The following CFAP46 variants were observed in gnomAD, a reference collection of about 807,000 sequenced individuals.
CFAP46 encodes the protein cilia and flagella associated protein 46.
CFAP46 carries 245 observed loss-of-function variants against 325.7 expected under a neutral mutation model. That is an observed-to-expected ratio of 0.75 (90% CI 0.68 to 0.84). CFAP46 has a LOEUF of 0.84. Among genes scored for constraint, CFAP46 ranks in the 40% least tolerant of loss-of-function variants. The probability of loss-of-function intolerance (pLI) is 0.00; values close to 1 mark genes in which losing one functional copy is unlikely to be tolerated. For missense variants in CFAP46, 3,346 were observed against 3,543.0 expected (o/e 0.94, Z 1.41); for synonymous variants, 1,523 against 1,495.9 (o/e 1.02, Z -0.42).
At chr10:132,856,485 G>A (rs1376129975) in intron 39 of CFAP46, among the ~76,000 whole-genome samples, 1 of 152,110 alleles carries the variant, frequency 6.6e-6, no homozygotes, top group Non-Finnish European at 1.5e-5. Context: ...ACTTAAAACT[G>A]TGTGACTTTA....
intron 44 of CFAP46, among the ~76,000 whole-genome samples, chr10:132,843,720 A>G (rs113884045): frequency 0.024 from 726 of 29,828 alleles, no homozygotes; most frequent in African/African-American, 0.028. Flanking sequence ...GGTGCTGTGG[A>G]GCTGCTCCTG....
chr10:132,912,291 T>TCTC (rs1554883933), intron 19 of CFAP46, among the ~76,000 whole-genome samples: 28 of 61,824 alleles, frequency 4.5e-4, no homozygotes, highest in Admixed American at 7.7e-4. Context: ...TCTCCTCCTC[T>TCTC]CTCTCTCCTC....
chr10:132,916,622 C>A lies in CFAP46; in HGVS notation c.2047G>T (p.Glu683Ter). The A allele has an allele frequency of 6.5e-7, 1 of 1,539,932 alleles. No individual in the cohort carries two copies. The highest frequency in any genetic ancestry group is 8.8e-7 in the Non-Finnish European group (1 of 1,142,166). ...CCAGCTGGGTGCTGGCTCAGGTCTT[C>A]GGGGGGGATGGCCCGGTCATTCAGC... is the stretch of plus-strand genomic sequence containing the variant. ...VELNDRAIPPEDLSQHPAGYV... is the reference protein window; with the variant it reads ...VELNDRAIPP The change falls in exon 17 of 58, where the codon GAA becomes TAA. Residue 683 changes from glutamate (E) to a stop codon, truncating the protein, a stop_gained. Transcript: ENST00000368586. LOFTEE classifies it high-confidence loss of function.
At position 132,889,201 on chromosome 10, in the gene CFAP46, C is replaced by A. The variant is rs1477721677; in HGVS notation, c.3304+3132G>T. On this transcript the variant is annotated intron_variant, in intron 25 of 57. Transcript: ENST00000368586. This position sits in a 1 kb window ranked among gnomAD's most constrained non-coding sequence, Gnocchi z 6.0. ...AGCCCCGTCATGCTATCAGCAGGAC[C>A]CGCCTCTGGTGCCAGCACCTGGACC... 8.5e-5 allele frequency among the ~76,000 whole-genome samples: 13 copies of A among 152,220 alleles called. No individual in the cohort carries two copies. Among genetic ancestry groups the A allele is most frequent in the Non-Finnish European group, 1.9e-4 (13 of 68,052 alleles).
intron 35 of CFAP46, among the ~76,000 whole-genome samples, chr10:132,862,639 AG>A (rs1848739289): frequency 6.6e-6 from 1 of 151,816 alleles, no homozygotes; most frequent in South Asian, 2.1e-4. Flanking sequence ...GGGAGAGCCC[AG>A]GGGAGGTCAG....
intron 24 of CFAP46, among the ~76,000 whole-genome samples, chr10:132,893,208 G>A (rs576026491): frequency 6.6e-6 from 1 of 152,338 alleles, no homozygotes; most frequent in Admixed American, 6.5e-5. Context: ...AACACACTGG[G>A]CATGCGGCCC....
At chr10:132,818,758 C>A (rs893988972) in intron 50 of CFAP46, among the ~76,000 whole-genome samples, 2 of 151,304 alleles carry the variant, frequency 1.3e-5, no homozygotes, top group Non-Finnish European at 2.9e-5. Context: ...GAGGCTGAGG[C>A]AGGAGAATTG....
chr10:132,935,903 T>G (rs1322443518), intron 7 of CFAP46, among the ~76,000 whole-genome samples: 2 of 78,514 alleles, frequency 2.5e-5, no homozygotes, highest in South Asian at 5.3e-4. Flanking sequence ...ACTCCCCTCA[T>G]CATCCAAACA....
rs369173629 is a variant in CFAP46 at position 132,830,135 on chromosome 10, TTTTTC to T, written c.7117+3218_7117+3222del. 6.9e-3 allele frequency among the ~76,000 whole-genome samples: 1,044 copies of T among 152,094 alleles called. 11 individuals are homozygous for T. The highest frequency in any genetic ancestry group is 0.023 in the African/African-American group (959 of 41,490). On this transcript the variant is annotated intron_variant, in intron 50 of 57. Transcript: ENST00000368586. The stretch of plus-strand genomic sequence containing the variant: ...CTGGGTATAGATGTTTTTTCTTTTC[TTTTTC>T]TTTTCTTTTTTCTTTTTTTTTGAGA...
intron 13 of CFAP46, 128 bp downstream of exon 13, chr10:132,921,976 G>T (rs544464423): frequency 8.4e-7 from 1 of 1,190,954 alleles, no homozygotes; most frequent in Non-Finnish European, 1.1e-6. Flanking sequence ...GGACACTGCC[G>T]GTGCAAGGTC....
intron 46 of CFAP46, among the ~76,000 whole-genome samples, chr10:132,835,903 G>A (rs1370425575): frequency 1.9e-4 from 7 of 36,836 alleles, no homozygotes; most frequent in Admixed American, 9.6e-4. Flanking sequence ...CCATGCTCCC[G>A]TCCCCTCCGC....
chr10:132,873,115 T>C (rs1187845462), intron 31 of CFAP46, among the ~76,000 whole-genome samples: 1 of 152,256 alleles, frequency 6.6e-6, no homozygotes, highest in Non-Finnish European at 1.5e-5. Context: ...CACACCCTTA[T>C]GTGTTTGTTT....
chr10:132,865,356 G>A (rs952051273), intron 35 of CFAP46, among the ~76,000 whole-genome samples: 4 of 152,204 alleles, frequency 2.6e-5, no homozygotes, highest in African/African-American at 4.8e-5. Flanking sequence ...TGGGGCTTCC[G>A]GTGCTGAGGC....
rs550888156 is a variant in CFAP46 at position 132,897,476 on chromosome 10, T to C, written c.3219+1483A>G. Among the ~76,000 whole-genome samples the C allele has an allele frequency of 1.4e-4, 22 of 152,356 alleles. No homozygotes were observed. The South Asian group carries it at 3.9e-3, about 27-fold the overall frequency. On this transcript the variant is annotated intron_variant, in intron 24 of 57. Coordinates refer to ENST00000368586, the MANE Select transcript of CFAP46 (RefSeq NM_001200049.3). ...ACAGGCCCCGCCGCACACCGCAGGT[T>C]GGTAGGAACCGCATATCTAGGTCAG...
At chr10:132,921,344 G>A (rs1311890341) in intron 13 of CFAP46, among the ~76,000 whole-genome samples, 1 of 152,220 alleles carries the variant, frequency 6.6e-6, no homozygotes, top group African/African-American at 2.4e-5. Context: ...GGGGCCGCCT[G>A]CGTTCCCAGA....
intron 36 of CFAP46, 108 bp downstream of exon 36, chr10:132,860,674 G>T: frequency 7.7e-7 from 1 of 1,294,434 alleles, no homozygotes; most frequent in Non-Finnish European, 1.1e-6. Flanking sequence ...GATGGATCCA[G>T]GCGTGTCATC....
intron 25 of CFAP46, among the ~76,000 whole-genome samples, chr10:132,887,541 CTT>C (rs1370438954): frequency 9.2e-6 from 1 of 108,544 alleles, no homozygotes; most frequent in African/African-American, 3.6e-5. Context: ...CCTCTCCCCT[CTT>C]CTCTCCTCTC....
rs1218893325 is a variant in CFAP46 at position 132,834,787 on chromosome 10, CA to C, written c.6745-13del. 3 of 1,605,610 alleles carry C rather than the reference CA, an allele frequency of 1.9e-6. No individual in the cohort carries two copies. The highest frequency in any genetic ancestry group is 1.7e-6 in the Non-Finnish European group (2 of 1,175,630). ...AGGCCTTCTGGTTCCTACCGCAATCCAAAAAAGAGGCCCCCGTAGCAAACAG... is the reference window on the plus strand; with the variant it reads ...AGGCCTTCTGGTTCCTACCGCAATCCAAAAAGAGGCCCCCGTAGCAAACAG... On this transcript the variant is annotated splice_polypyrimidine_tract_variant and intron_variant, in intron 47 of 57. Coordinates refer to ENST00000368586, the MANE Select transcript of CFAP46 (RefSeq NM_001200049.3).
intron 44 of CFAP46, among the ~76,000 whole-genome samples, chr10:132,839,268 G>T (rs1285276587): frequency 6.6e-6 from 1 of 152,214 alleles, no homozygotes; most frequent in African/African-American, 2.4e-5. Context: ...TGGCCACAGG[G>T]GGGTGGCGCA....
Sources: gnomAD v4.1 joint callset for allele counts (sites outside exome capture counted in the v4.1 genomes callset) on GRCh38, gnomAD v4.1.1 for gene constraint, Gnocchi (gnomAD v3.1) non-coding constraint, MANE v1.5 for transcripts, NCBI Gene and HGNC (gene_info 2026-07-23, HGNC 2026-07-21) for gene names.